Variants in PTPRR observed in about 807,000 individuals in gnomAD.
PTPRR encodes the protein protein tyrosine phosphatase receptor type R.
Under a neutral mutation model 77.2 loss-of-function variants are expected in PTPRR, and 38 were observed. The ratio of observed to expected loss-of-function variants is 0.49; its 90% CI spans 0.38 to 0.65. The LOEUF (loss-of-function observed/expected upper bound fraction) is 0.65, where lower values mean the gene tolerates loss of function less well. PTPRR is among the 30% of genes least tolerant of loss of function. The probability of loss-of-function intolerance (pLI) is 0.00; values close to 1 mark genes in which losing one functional copy is unlikely to be tolerated. For missense variants in PTPRR, 744 were observed against 799.2 expected (o/e 0.93, Z 0.83); for synonymous variants, 299 against 283.1 (o/e 1.06, Z -0.57).
At chr12:70,641,632 T>C (rs569718631) in intron 13 of PTPRR, among the ~76,000 whole-genome samples, 1 of 152,212 alleles carries the variant, frequency 6.6e-6, no homozygotes, top group Non-Finnish European at 1.5e-5. Context: ...TTCTCTTACC[T>C]CCCACTTAAT....
At chr12:70,714,606 G>T (rs553988272) in intron 6 of PTPRR, among the ~76,000 whole-genome samples, 29 of 152,052 alleles carry the variant, frequency 1.9e-4, no homozygotes, top group African/African-American at 7.0e-4. Context: ...AATTCTTTTT[G>T]CTATTACCAA....
intron 6 of PTPRR, among the ~76,000 whole-genome samples, chr12:70,709,859 A>G (rs1418846557): frequency 1.3e-5 from 2 of 152,134 alleles, no homozygotes; most frequent in Non-Finnish European, 2.9e-5. Flanking sequence ...CAAATGGAAA[A>G]ACATTCCACG....
chr12:70,871,326 A>G (rs971695985), intron 2 of PTPRR, among the ~76,000 whole-genome samples: 1 of 152,186 alleles, frequency 6.6e-6, no homozygotes, highest in Non-Finnish European at 1.5e-5. Context: ...TGCTCATTCC[A>G]CAAATCACCC....
At chr12:70,835,794 A>G (rs1252590810) in intron 2 of PTPRR, among the ~76,000 whole-genome samples, 1 of 152,158 alleles carries the variant, frequency 6.6e-6, no homozygotes, top group Non-Finnish European at 1.5e-5. Context: ...TAAACATTTC[A>G]TTATAAACAT....
chr12:70,889,757 C>T (rs945247423), intron 2 of PTPRR, among the ~76,000 whole-genome samples: 2 of 151,900 alleles, frequency 1.3e-5, no homozygotes, highest in Admixed American at 6.6e-5. Flanking sequence ...TCTTTCCTTG[C>T]CTCCTTTCCT....
At chr12:70,641,381 T>G (rs1885994622) in intron 13 of PTPRR, among the ~76,000 whole-genome samples, 1 of 146,162 alleles carries the variant, frequency 6.8e-6, no homozygotes, top group Admixed American at 6.6e-5. Flanking sequence ...TGGTCAGCAC[T>G]GGTATTTACA....
At chr12:70,700,106 C>G (rs1005495829) in intron 7 of PTPRR, among the ~76,000 whole-genome samples, 1 of 152,148 alleles carries the variant, frequency 6.6e-6, no homozygotes, top group Non-Finnish European at 1.5e-5. Context: ...ATATGATACA[C>G]CACAGAGTCT....
At chr12:70,722,255 G>A (rs1030976494) in intron 6 of PTPRR, among the ~76,000 whole-genome samples, 1 of 152,114 alleles carries the variant, frequency 6.6e-6, no homozygotes, top group Non-Finnish European at 1.5e-5. Flanking sequence ...AACAGGAAAA[G>A]CCTATCCGGT....
At chr12:70,896,314 G>A (rs1386041799) in intron 1 of PTPRR, among the ~76,000 whole-genome samples, 2 of 151,616 alleles carry the variant, frequency 1.3e-5, no homozygotes, top group East Asian at 3.9e-4. Flanking sequence ...TCAATAGTAA[G>A]TAGATTGAGG....
chr12:70,668,435 C>G (rs922783630), intron 10 of PTPRR, among the ~76,000 whole-genome samples: 2 of 152,204 alleles, frequency 1.3e-5, no homozygotes, highest in Non-Finnish European at 2.9e-5. Flanking sequence ...GCTCCATAAA[C>G]AGTTGTTCTT....
chr12:70,915,067 C>T (rs1893755872), intron 1 of PTPRR, among the ~76,000 whole-genome samples: 2 of 152,188 alleles, frequency 1.3e-5, no homozygotes, highest in South Asian at 2.1e-4. Flanking sequence ...AAATAATACA[C>T]AGCAGAAGAC....
rs73329588 is a variant in PTPRR, at chr12:70,706,836, T to C, written c.1008-5513A>G. On this transcript the variant is annotated intron_variant, in intron 6 of 13. Coordinates refer to ENST00000283228, the MANE Select transcript of PTPRR (RefSeq NM_002849.4). Reference sequence around the variant, plus strand: ...AACTTGGACCTTAGACTGCATAATCTGCAAATGGGAATAATAATAAAACTC... The same window carrying C: ...AACTTGGACCTTAGACTGCATAATCCGCAAATGGGAATAATAATAAAACTC... 6.7e-3 allele frequency among the ~76,000 whole-genome samples: 1,025 copies of C among 152,204 alleles called. 14 individuals are homozygous for C. The highest frequency in any genetic ancestry group is 0.024 in the African/African-American group (980 of 41,538).
intron 6 of PTPRR, among the ~76,000 whole-genome samples, chr12:70,732,706 G>A (rs547050857): frequency 5.3e-5 from 8 of 151,476 alleles, no homozygotes; most frequent in Admixed American, 1.3e-4. Flanking sequence ...GATTACAGGC[G>A]CACGTCACCA....
chr12:70,871,589 G>A (rs897575511), intron 2 of PTPRR, among the ~76,000 whole-genome samples: 1 of 152,142 alleles, frequency 6.6e-6, no homozygotes, highest in African/African-American at 2.4e-5. Flanking sequence ...CTGTAGAAAT[G>A]AATACTTTGT....
intron 3 of PTPRR, among the ~76,000 whole-genome samples, chr12:70,762,775 A>G (rs992891009): frequency 5.3e-5 from 8 of 152,218 alleles, no homozygotes; most frequent in Non-Finnish European, 1.2e-4. Context: ...GAATATGGCC[A>G]CACTGGAAAT....
At chr12:70,780,578 T>C (rs1891183275) in intron 2 of PTPRR, among the ~76,000 whole-genome samples, 2 of 152,118 alleles carry the variant, frequency 1.3e-5, no homozygotes, top group African/African-American at 4.8e-5. Context: ...AGGTTATATA[T>C]ATCATATAAT....
intron 2 of PTPRR, among the ~76,000 whole-genome samples, chr12:70,873,857 T>C (rs1428988060): frequency 1.3e-5 from 2 of 152,242 alleles, no homozygotes; most frequent in East Asian, 3.9e-4. Flanking sequence ...TTTGTGAATG[T>C]GAGTGTTGTG....
At chr12:70,799,177 C>T (rs1389074859) in intron 2 of PTPRR, among the ~76,000 whole-genome samples, 4 of 152,056 alleles carry the variant, frequency 2.6e-5, no homozygotes, top group African/African-American at 9.7e-5. Context: ...GTCCAGAGTA[C>T]CTATAGCTTA....
chr12:70,866,881 T>C (rs1269697831), intron 2 of PTPRR, among the ~76,000 whole-genome samples: 3 of 151,820 alleles, frequency 2.0e-5, no homozygotes, highest in Non-Finnish European at 4.4e-5. Context: ...GTTCAACACA[T>C]GCAAATCAAT....
Sources: allele counts gnomAD v4.1 joint callset (sites outside exome capture counted in the v4.1 genomes callset), GRCh38; gene constraint gnomAD v4.1.1; transcripts MANE v1.5; gene names NCBI Gene and HGNC (gene_info 2026-07-23, HGNC 2026-07-21).